ULK4: variants seen among roughly 807,000 people sequenced by gnomAD.
ULK4 encodes the protein inactive serine/threonine-protein kinase ULK4.
ULK4 carries 133 observed loss-of-function variants against 160.6 expected under a neutral mutation model. The ratio of observed to expected loss-of-function variants is 0.83; its 90% CI spans 0.72 to 0.96. The LOEUF (loss-of-function observed/expected upper bound fraction) is 0.96. Among genes scored for constraint, ULK4 ranks in the 40% least tolerant of loss-of-function variants. The probability of loss-of-function intolerance (pLI) is 0.00; values close to 1 mark genes in which losing one functional copy is unlikely to be tolerated. For missense variants in ULK4, 1,580 were observed against 1,499.5 expected (o/e 1.05, Z -0.89); for synonymous variants, 534 against 539.8 (o/e 0.99, Z 0.15).
chr3:41,687,088 A>G (rs1319933713), intron 27 of ULK4, among the ~76,000 whole-genome samples: 1 of 151,906 alleles, frequency 6.6e-6, no homozygotes, highest in Non-Finnish European at 1.5e-5. Flanking sequence ...TAAAAAAATT[A>G]TTTAGGCTGG....
intron 12 of ULK4, among the ~76,000 whole-genome samples, chr3:41,905,047 T>C (rs554235670): frequency 5.9e-5 from 9 of 152,318 alleles, no homozygotes; most frequent in Non-Finnish European, 1.3e-4. Flanking sequence ...AAAACCACCT[T>C]AAAAATTTTT....
Position 41,527,561 on chromosome 3 carries a change from G to A in ULK4, c.3226+38464C>T, listed in dbSNP as rs1246680451. Among the ~76,000 whole-genome samples the A allele has an allele frequency of 7.2e-5, 11 of 152,294 alleles. No homozygotes were observed. The East Asian group carries it at 1.5e-3, about 21-fold the overall frequency. On this transcript the variant is annotated intron_variant, in intron 32 of 36. Transcript: ENST00000301831. ...GGCATATGCCAGAGCCAGGATTTTC[G>A]AAGTGTGGAAGTCTGGCTCCAGACT...
chr3:41,398,221 C>A lies in ULK4; in HGVS notation c.3536G>T (p.Cys1179Phe), dbSNP rs746543708. ...DPEIFDVSSK[C>F]LSILVQLYGG... ...ATACAGCTGAACCAGTATAGACAGG[C>A]ACTTGGATGAAACATCAAAAATCTC... The change falls in exon 35 of 37, where the codon TGC becomes TTC. Residue 1179 changes from cysteine (C) to phenylalanine (F), a missense_variant. Coordinates refer to ENST00000301831, the MANE Select transcript of ULK4 (RefSeq NM_017886.4). The A allele has an allele frequency of 3.1e-6, 5 of 1,612,022 alleles. No individual in the cohort carries two copies. The highest frequency in any genetic ancestry group is 4.2e-6 in the Non-Finnish European group (5 of 1,179,420).
chr3:41,412,805 C>G (rs1024620658), intron 34 of ULK4, among the ~76,000 whole-genome samples: 3 of 151,998 alleles, frequency 2.0e-5, no homozygotes, highest in African/African-American at 7.3e-5. Flanking sequence ...AAGTAATCCA[C>G]CTGTCTCATC....
chr3:41,926,816 GAACA>G (rs1222717598), intron 5 of ULK4, among the ~76,000 whole-genome samples: 1 of 152,066 alleles, frequency 6.6e-6, no homozygotes, highest in Non-Finnish European at 1.5e-5. Context: ...GAATGAAAAG[GAACA>G]AACAAAGCCT....
intron 31 of ULK4, among the ~76,000 whole-genome samples, chr3:41,610,993 A>C (rs568574728): frequency 6.6e-6 from 1 of 152,336 alleles, no homozygotes; most frequent in Non-Finnish European, 1.5e-5. Flanking sequence ...TTCACACTTA[A>C]GGCACATTTC....
At chr3:41,764,586 A>G (rs997048926) in intron 21 of ULK4, among the ~76,000 whole-genome samples, 1 of 152,226 alleles carries the variant, frequency 6.6e-6, no homozygotes, top group Non-Finnish European at 1.5e-5. Flanking sequence ...CAAAAAACTT[A>G]AAAGAGAAAT....
intron 21 of ULK4, among the ~76,000 whole-genome samples, chr3:41,786,191 C>T (rs2125588426): frequency 6.6e-6 from 1 of 152,290 alleles, no homozygotes; most frequent in East Asian, 1.9e-4. Context: ...ATCAGCCCCT[C>T]CTGTTAGGGC....
chr3:41,324,290 A>G (rs1394167022), intron 35 of ULK4, among the ~76,000 whole-genome samples: 1 of 152,208 alleles, frequency 6.6e-6, no homozygotes. Context: ...AGTTGTCTGC[A>G]AATAAGAAAG....
chr3:41,811,765 G>T (rs2040825318), intron 19 of ULK4, among the ~76,000 whole-genome samples: 1 of 152,128 alleles, frequency 6.6e-6, no homozygotes, highest in Admixed American at 6.6e-5. Context: ...TCTAAATTAT[G>T]ATTCTACTCA....
intron 17 of ULK4, among the ~76,000 whole-genome samples, chr3:41,873,432 T>G (rs960465715): frequency 3.9e-5 from 6 of 152,318 alleles, no homozygotes; most frequent in African/African-American, 1.4e-4. Flanking sequence ...TTTCAGGATT[T>G]TAGCTGCCGC....
At chr3:41,291,744 C>T (rs1010009584) in intron 35 of ULK4, among the ~76,000 whole-genome samples, 1 of 151,816 alleles carries the variant, frequency 6.6e-6, no homozygotes, top group Admixed American at 6.6e-5. Flanking sequence ...TGGGGTACTG[C>T]GATGCTGTTT....
chr3:41,770,685 G>C (rs1337187620), intron 21 of ULK4, among the ~76,000 whole-genome samples: 1 of 151,834 alleles, frequency 6.6e-6, no homozygotes, highest in Non-Finnish European at 1.5e-5. Flanking sequence ...TAATTTTTTT[G>C]TATTTTTAGT....
intron 27 of ULK4, among the ~76,000 whole-genome samples, chr3:41,700,777 T>C (rs1301722656): frequency 6.6e-6 from 1 of 152,168 alleles, no homozygotes; most frequent in East Asian, 1.9e-4. Flanking sequence ...CTTCTGATAT[T>C]AGAATTACCA....
At chr3:41,760,468 C>T (rs559197272) in intron 21 of ULK4, among the ~76,000 whole-genome samples, 14 of 152,096 alleles carry the variant, frequency 9.2e-5, no homozygotes, top group African/African-American at 2.9e-4. Flanking sequence ...AAATTGTACA[C>T]AAAAATAGCA....
At chr3:41,726,094 T>C (rs2037641187) in intron 22 of ULK4, among the ~76,000 whole-genome samples, 1 of 152,254 alleles carries the variant, frequency 6.6e-6, no homozygotes, top group Admixed American at 6.5e-5. Flanking sequence ...AATAAATTTT[T>C]CTCTAAAGTT....
chr3:41,761,377 T>C (rs971156157), intron 21 of ULK4, among the ~76,000 whole-genome samples: 1 of 148,570 alleles, frequency 6.7e-6, no homozygotes, highest in Non-Finnish European at 1.5e-5. Context: ...TATATACATA[T>C]ATTAGATTTA....
intron 30 of ULK4, among the ~76,000 whole-genome samples, chr3:41,617,001 G>A (rs567019862): frequency 1.3e-5 from 2 of 152,292 alleles, no homozygotes; most frequent in African/African-American, 2.4e-5. Flanking sequence ...CCCTGACAGT[G>A]CTAAGAAGCC....
intron 35 of ULK4, among the ~76,000 whole-genome samples, chr3:41,369,843 T>C (rs1471675698): frequency 6.7e-6 from 1 of 150,320 alleles, no homozygotes; most frequent in African/African-American, 2.5e-5. Flanking sequence ...CTCTGTCACA[T>C]ACAACAGTCA....
Sources: gnomAD v4.1 joint callset for allele counts (sites outside exome capture counted in the v4.1 genomes callset) on GRCh38, gnomAD v4.1.1 for gene constraint, MANE v1.5 for transcripts, NCBI Gene and HGNC (gene_info 2026-07-23, HGNC 2026-07-21) for gene names.